Variants in CRPPA observed in about 807,000 individuals in gnomAD.
CRPPA encodes D-ribitol-5-phosphate cytidylyltransferase.
A neutral mutation model predicts 52.0 loss-of-function variants in CRPPA; 43 were observed. That is an observed-to-expected ratio of 0.83 (90% CI 0.65 to 1.07). The LOEUF (loss-of-function observed/expected upper bound fraction) is 1.07. Ranked by LOEUF, CRPPA falls within the 50% of genes least tolerant of loss-of-function variation. The pLI is 0.00. For missense variants in CRPPA, 629 were observed against 551.7 expected (o/e 1.14, Z -1.40); for synonymous variants, 250 against 203.5 (o/e 1.23, Z -1.94).
At chr7:16,308,737 A>C in intron 3 of CRPPA, 110 bp from the exon 4 acceptor site, 1 of 677,718 alleles carries the variant, frequency 1.5e-6, no homozygotes, top group African/African-American at 1.8e-5. Flanking sequence ...TAGGGGGCTC[A>C]AACTATTTAA....
chr7:16,101,625 C>A (rs10249995), intron 9 of CRPPA, among the ~76,000 whole-genome samples: 2 of 151,582 alleles, frequency 1.3e-5, no homozygotes, highest in African/African-American at 4.8e-5. Flanking sequence ...AGCAAAGTCT[C>A]GGGATAGAAA....
At chr7:16,166,735 C>T (rs977855759) in intron 9 of CRPPA, among the ~76,000 whole-genome samples, 1 of 152,158 alleles carries the variant, frequency 6.6e-6, no homozygotes, top group Non-Finnish European at 1.5e-5. Flanking sequence ...CTTTTCAGGA[C>T]TCTTACATCA....
Position 16,166,777 on chromosome 7 carries a change from T to C in CRPPA, c.1251+49289A>G, listed in dbSNP as rs1781075127. ...TGCCAGGTTTCCACTGCTCTCAATATGAGCCCAGCACTACTCTGTAAAAAC... is the reference window on the plus strand; with the variant it reads ...TGCCAGGTTTCCACTGCTCTCAATACGAGCCCAGCACTACTCTGTAAAAAC... On this transcript the variant is annotated intron_variant, in intron 9 of 9. Coordinates refer to ENST00000407010, the MANE Select transcript of CRPPA (RefSeq NM_001101426.4). Among the ~76,000 whole-genome samples the C allele has an allele frequency of 2.6e-5, 4 of 152,270 alleles. No individual in the cohort carries two copies. The South Asian group carries it at 8.3e-4, about 32-fold the overall frequency.
At chr7:16,250,597 A>T (rs1370225562) in intron 8 of CRPPA, among the ~76,000 whole-genome samples, 1 of 152,208 alleles carries the variant, frequency 6.6e-6, no homozygotes, top group Non-Finnish European at 1.5e-5. Context: ...AGAATTTTCA[A>T]CCCAGAATTT....
chr7:16,361,195 T>C (rs1786433749), intron 3 of CRPPA, among the ~76,000 whole-genome samples: 1 of 151,916 alleles, frequency 6.6e-6, no homozygotes. Flanking sequence ...AATTACTTTG[T>C]TTTTTTTAAA....
intron 8 of CRPPA, among the ~76,000 whole-genome samples, chr7:16,242,768 T>C (rs1483072975): frequency 6.6e-6 from 1 of 152,162 alleles, no homozygotes; most frequent in South Asian, 2.1e-4. Flanking sequence ...CAGTCTCCAA[T>C]TAAAAAAAAA....
intron 8 of CRPPA, among the ~76,000 whole-genome samples, chr7:16,245,195 A>G (rs915966756): frequency 2.6e-5 from 4 of 152,252 alleles, no homozygotes; most frequent in Non-Finnish European, 4.4e-5. Flanking sequence ...ACATGTCTGC[A>G]TATGAATTTG....
intron 5 of CRPPA, among the ~76,000 whole-genome samples, chr7:16,301,037 G>T: frequency 6.6e-6 from 1 of 152,160 alleles, no homozygotes; most frequent in Non-Finnish European, 1.5e-5. Context: ...TTTCTCACAT[G>T]GAAGATGCTA....
At chr7:16,297,149 A>G (rs1784690787) in intron 5 of CRPPA, among the ~76,000 whole-genome samples, 1 of 152,164 alleles carries the variant, frequency 6.6e-6, no homozygotes, top group South Asian at 2.1e-4. Flanking sequence ...TAAATAATGG[A>G]TCTTGCTCTT....
intron 1 of CRPPA, among the ~76,000 whole-genome samples, chr7:16,419,173 T>C (rs1040267176): frequency 6.6e-6 from 1 of 152,252 alleles, no homozygotes; most frequent in Non-Finnish European, 1.5e-5. Context: ...GATGTAATCA[T>C]TGGGCAGATT....
rs568502500 is a variant in CRPPA at position 16,155,107 on chromosome 7, G to A, written c.1251+60959C>T. ...TGCTGGGATGAGCCAGGGGTTAGCC[G>A]CCACCCCAGGCCTCAAAATGAGTCC... On this transcript the variant is annotated intron_variant, in intron 9 of 9. Transcript: ENST00000407010. 3.0e-3 allele frequency among the ~76,000 whole-genome samples: 456 copies of A among 151,476 alleles called. 3 individuals are homozygous for A. The highest frequency in any genetic ancestry group is 0.011 in the African/African-American group (435 of 41,284).
intron 9 of CRPPA, among the ~76,000 whole-genome samples, chr7:16,145,653 A>C (rs1400265500): frequency 1.3e-5 from 2 of 152,122 alleles, no homozygotes; most frequent in East Asian, 3.9e-4. Context: ...AAAAAAAAAA[A>C]CAGAAACCTT....
At chr7:16,216,510 T>A (rs1782316864) in intron 8 of CRPPA, 1 of 253,364 alleles carries the variant, frequency 3.9e-6, no homozygotes, top group African/African-American at 2.3e-5. Context: ...GGGTGATTTC[T>A]GCATTTCCAT....
chr7:16,137,847 C>T (rs1394630016), intron 9 of CRPPA, among the ~76,000 whole-genome samples: 3 of 151,970 alleles, frequency 2.0e-5, no homozygotes, highest in South Asian at 2.1e-4. Context: ...TTTTTTATTA[C>T]CACAGTGTAT....
chr7:16,180,374 T>G (rs2128387457), intron 9 of CRPPA, among the ~76,000 whole-genome samples: 1 of 152,222 alleles, frequency 6.6e-6, no homozygotes, highest in South Asian at 2.1e-4. Context: ...GTAACAAAAC[T>G]TACTTGACGG....
At chr7:16,314,569 G>A (rs780574985) in intron 3 of CRPPA, among the ~76,000 whole-genome samples, 4 of 152,006 alleles carry the variant, frequency 2.6e-5, no homozygotes, top group Admixed American at 6.6e-5. Flanking sequence ...TTCTGGAGAA[G>A]ATTTTGAACA....
At chr7:16,200,500 A>G (rs922654678) in intron 9 of CRPPA, among the ~76,000 whole-genome samples, 1 of 152,232 alleles carries the variant, frequency 6.6e-6, no homozygotes, top group African/African-American at 2.4e-5. Context: ...AGGCATTCAC[A>G]TCCTACAAAT....
chr7:16,215,258 G>A (rs778640893), intron 9 of CRPPA, among the ~76,000 whole-genome samples: 18 of 152,078 alleles, frequency 1.2e-4, no homozygotes, highest in South Asian at 2.1e-4. Flanking sequence ...GCAGTGGACC[G>A]TTCAACTTGC....
chr7:16,381,066 C>A (rs11929860), intron 2 of CRPPA, among the ~76,000 whole-genome samples: 31 of 151,452 alleles, frequency 2.0e-4, no homozygotes, highest in African/African-American at 7.3e-4. Context: ...TTTTCTAGTT[C>A]TTTTAATTGT....
Sources: allele counts gnomAD v4.1 joint callset (sites outside exome capture counted in the v4.1 genomes callset), GRCh38; gene constraint gnomAD v4.1.1; transcripts MANE v1.5; gene names NCBI Gene and HGNC (gene_info 2026-07-23, HGNC 2026-07-21).